The following AGBL4 variants were observed in gnomAD, a reference collection of about 807,000 sequenced individuals.
AGBL4 encodes cytosolic carboxypeptidase 6.
In AGBL4, 58 loss-of-function variants were observed where a neutral mutation model predicts 66.4. The ratio of observed to expected loss-of-function variants is 0.87; its 90% confidence interval spans 0.71 to 1.09. The LOEUF (loss-of-function observed/expected upper bound fraction) is 1.09. Among genes scored for constraint, AGBL4 ranks in the 50% least tolerant of loss-of-function variants. The probability of loss-of-function intolerance (pLI) is 0.00; values close to 1 mark genes in which losing one functional copy is unlikely to be tolerated. For synonymous variants in AGBL4, 234 were observed against 222.9 expected, an observed-to-expected ratio of 1.05 and a Z score of -0.44; for missense variants, 579 against 631.0, an observed-to-expected ratio of 0.92 and a Z score of 0.88.
intron 4 of AGBL4, among the ~76,000 whole-genome samples, chr1:49,238,261 A>G (rs191219279): frequency 3.5e-4 from 54 of 152,192 alleles, no homozygotes; most frequent in African/African-American, 1.3e-3. Flanking sequence ...TTAAACATTT[A>G]TTTTTAGTCT....
chr1:49,859,200 G>A (rs138139511), intron 1 of AGBL4, among the ~76,000 whole-genome samples: 40 of 152,246 alleles, frequency 2.6e-4, no homozygotes, highest in African/African-American at 9.4e-4. Context: ...TTATTAAGAG[G>A]ATAATGAGAG....
intron 3 of AGBL4, among the ~76,000 whole-genome samples, chr1:49,498,539 T>C (rs1215992397): frequency 1.3e-5 from 2 of 151,692 alleles, no homozygotes; most frequent in Non-Finnish European, 2.9e-5. Context: ...AATATTCCGT[T>C]GTGTATATAT....
chr1:48,651,541 A>T lies in AGBL4; in HGVS notation c.839+1796T>A, dbSNP rs892809133. ...CTACCACTATTATCGCTAACAGTAC[A>T]CTCTGTCCATGGAAGGTGGAAAAGC... On this transcript the variant is annotated intron_variant, in intron 8 of 13. Coordinates refer to ENST00000371839, the MANE Select transcript of AGBL4 (RefSeq NM_032785.4). Among the ~76,000 whole-genome samples, 4 of 152,150 alleles carry T rather than the reference A, an allele frequency of 2.6e-5. 1 individual carries two copies. The highest frequency in any genetic ancestry group is 9.7e-5 in the African/African-American group (4 of 41,424).
At chr1:48,537,355 C>G (rs2148256177) in intron 12 of AGBL4, among the ~76,000 whole-genome samples, 1 of 152,236 alleles carries the variant, frequency 6.6e-6, no homozygotes, top group Non-Finnish European at 1.5e-5. Context: ...AAGGAGCTCT[C>G]TAGATCTTTT....
At chr1:48,867,869 G>A (rs1648266048) in intron 5 of AGBL4, among the ~76,000 whole-genome samples, 1 of 152,160 alleles carries the variant, frequency 6.6e-6, no homozygotes, top group African/African-American at 2.4e-5. Flanking sequence ...ATAGGGATGA[G>A]GCAGCTTATG....
intron 4 of AGBL4, among the ~76,000 whole-genome samples, chr1:49,239,290 C>A (rs1651030864): frequency 6.6e-6 from 1 of 151,946 alleles, no homozygotes; most frequent in Non-Finnish European, 1.5e-5. Flanking sequence ...TAAATTGGTA[C>A]AACATTTTTG....
intron 6 of AGBL4, among the ~76,000 whole-genome samples, chr1:48,841,791 T>C (rs1305102468): frequency 1.3e-5 from 2 of 152,142 alleles, no homozygotes; most frequent in African/African-American, 4.8e-5. Context: ...GCAGAGTCTA[T>C]TTTAAGAGTC....
intron 12 of AGBL4, 115 bp from the exon 13 acceptor site, chr1:48,535,031 G>T: frequency 1.0e-6 from 1 of 957,600 alleles, no homozygotes; most frequent in Non-Finnish European, 1.6e-6. Flanking sequence ...CCCAAACGGA[G>T]CATAGGACGT....
At chr1:49,242,233 G>C (rs1171558805) in intron 4 of AGBL4, among the ~76,000 whole-genome samples, 1 of 151,984 alleles carries the variant, frequency 6.6e-6, no homozygotes, top group Non-Finnish European at 1.5e-5. Flanking sequence ...ATCTAGCACA[G>C]AGTAGATGAT....
Position 49,257,653 on chromosome 1 carries a change from C to T in AGBL4, c.283-11789G>A, listed in dbSNP as rs201208266. The stretch of plus-strand genomic sequence containing the variant: ...GGCAATGCCTCGCGCTGCTTTGGCT[C>T]ATGCACGGTGCGCTGCACCCACTGT... On this transcript the variant is annotated intron_variant, in intron 3 of 13. Coordinates refer to ENST00000371839, the MANE Select transcript of AGBL4 (RefSeq NM_032785.4). Among the ~76,000 whole-genome samples the T allele has an allele frequency of 1.8e-4, 27 of 152,364 alleles. No individual in the cohort carries two copies. In the East Asian group the frequency reaches 1.9e-3, roughly 11 times the overall value.
chr1:50,002,023 G>A (rs1660793107), intron 1 of AGBL4, among the ~76,000 whole-genome samples: 1 of 152,030 alleles, frequency 6.6e-6, no homozygotes, highest in African/African-American at 2.4e-5. Flanking sequence ...TAGCCACTGA[G>A]ATGAAAAAAG....
At chr1:49,069,048 C>T (rs1644547463) in intron 4 of AGBL4, among the ~76,000 whole-genome samples, 1 of 151,976 alleles carries the variant, frequency 6.6e-6, no homozygotes, top group Admixed American at 6.5e-5. Context: ...AGTGTCTGTT[C>T]ATATAATTTG....
At chr1:49,273,925 G>A (rs201286869) in intron 3 of AGBL4, among the ~76,000 whole-genome samples, 19 of 151,932 alleles carry the variant, frequency 1.3e-4, no homozygotes, top group South Asian at 6.2e-4. Context: ...CTCATGATCC[G>A]CCTGCCTCGG....
At chr1:49,304,516 A>G (rs1644814592) in intron 3 of AGBL4, among the ~76,000 whole-genome samples, 4 of 152,168 alleles carry the variant, frequency 2.6e-5, no homozygotes, top group African/African-American at 7.2e-5. Context: ...GTGTTTGAAG[A>G]AGGTAGGCAG....
chr1:48,680,249 G>A lies in AGBL4; in HGVS notation c.635-17008C>T, dbSNP rs116245631. Among the ~76,000 whole-genome samples, 489 of 152,314 alleles carry A rather than the reference G, an allele frequency of 3.2e-3. 1 individual carries two copies. Among genetic ancestry groups the A allele is most frequent in the African/African-American group, 0.011 (468 of 41,566 alleles). ...ATTGAAGCACAAAGTCGTTTCCCTT[G>A]TTCCAGGGCTCTGGATTTCTAATTA... On this transcript the variant is annotated intron_variant, in intron 6 of 13. Transcript: ENST00000371839.
At chr1:48,831,354 G>C (rs1284655189) in intron 6 of AGBL4, among the ~76,000 whole-genome samples, 1 of 152,172 alleles carries the variant, frequency 6.6e-6, no homozygotes, top group East Asian at 1.9e-4. Flanking sequence ...ATATCTGAGA[G>C]AGCCTCTTGT....
At position 48,976,859 on chromosome 1, in the gene AGBL4, C is replaced by T. The variant is rs183078953; in HGVS notation, c.594+68725G>A. Among the ~76,000 whole-genome samples the T allele has an allele frequency of 4.9e-4, 75 of 152,206 alleles. No individual in the cohort carries two copies. In the East Asian group the frequency reaches 0.011, roughly 22 times the overall value. ...GACCATCCCACCTAAAGTTGCAACA[C>T]TCTTTCCAGATTTTATATCACCCTC... On this transcript the variant is annotated intron_variant, in intron 5 of 13. Coordinates refer to ENST00000371839, the MANE Select transcript of AGBL4 (RefSeq NM_032785.4).
chr1:49,736,553 C>T (rs1459606936), intron 2 of AGBL4, among the ~76,000 whole-genome samples: 1 of 151,882 alleles, frequency 6.6e-6, no homozygotes, highest in African/African-American at 2.4e-5. Context: ...AAAATTAAAA[C>T]ACAGCATACT....
intron 6 of AGBL4, among the ~76,000 whole-genome samples, chr1:48,793,601 T>TAA (rs1331524543): frequency 1.3e-5 from 2 of 152,158 alleles, no homozygotes; most frequent in African/African-American, 4.8e-5. Flanking sequence ...GCCTGGCTCT[T>TAA]TTATTTATGT....
Sources: allele counts gnomAD v4.1 joint callset (sites outside exome capture counted in the v4.1 genomes callset), GRCh38; gene constraint gnomAD v4.1.1; transcripts MANE v1.5; gene names NCBI Gene and HGNC (gene_info 2026-07-23, HGNC 2026-07-21).